Variants in CNTNAP2 observed in about 807,000 individuals in gnomAD.
CNTNAP2 encodes the protein contactin associated protein 2, also known as contactin-associated protein-like 2.
In CNTNAP2, 98 loss-of-function variants were observed where a neutral mutation model predicts 155.2. The ratio of observed to expected loss-of-function variants is 0.63; its 90% confidence interval spans 0.54 to 0.75. The LOEUF (loss-of-function observed/expected upper bound fraction) is 0.75. Ranked by LOEUF, CNTNAP2 falls within the 30% of genes least tolerant of loss-of-function variation. CNTNAP2 has a pLI of 0.00. For synonymous variants in CNTNAP2, 651 were observed against 631.2 expected, an observed-to-expected ratio of 1.03 and a Z score of -0.47; for missense variants, 1,727 against 1,688.1, an observed-to-expected ratio of 1.02 and a Z score of -0.40.
chr7:146,922,261 GGA>G (rs911031293), intron 3 of CNTNAP2, among the ~76,000 whole-genome samples: 5 of 14,406 alleles, frequency 3.5e-4, no homozygotes, highest in East Asian at 5.4e-3. Flanking sequence ...ACTTAATAAA[GGA>G]AAAAAAAAAA....
intron 13 of CNTNAP2, among the ~76,000 whole-genome samples, chr7:147,786,692 G>A (rs557979503): frequency 6.6e-6 from 1 of 152,260 alleles, no homozygotes; most frequent in Non-Finnish European, 1.5e-5. Context: ...TGGAGGCCTG[G>A]CACATTGGCA....
intron 1 of CNTNAP2, among the ~76,000 whole-genome samples, chr7:146,277,805 G>A (rs1234464785): frequency 6.6e-6 from 1 of 152,118 alleles, no homozygotes; most frequent in Non-Finnish European, 1.5e-5. Flanking sequence ...GGTCTGGCTA[G>A]AAATTTCATG....
chr7:146,542,578 TGA>T (rs1340155901), intron 1 of CNTNAP2, among the ~76,000 whole-genome samples: 1 of 151,566 alleles, frequency 6.6e-6, no homozygotes. Flanking sequence ...TATCCTTCCC[TGA>T]CTCTCTCCTT....
At chr7:148,144,383 G>A (rs1345122219) in intron 16 of CNTNAP2, among the ~76,000 whole-genome samples, 1 of 152,232 alleles carries the variant, frequency 6.6e-6, no homozygotes, top group Non-Finnish European at 1.5e-5. Flanking sequence ...CTTATTGCAT[G>A]TGCAGCATCC....
intron 3 of CNTNAP2, among the ~76,000 whole-genome samples, chr7:146,971,223 TACTA>T (rs1373977966): frequency 6.6e-6 from 1 of 151,776 alleles, no homozygotes; most frequent in Non-Finnish European, 1.5e-5. Context: ...AAAAAGTTAA[TACTA>T]AAGAAAGTCT....
intron 4 of CNTNAP2, among the ~76,000 whole-genome samples, chr7:147,064,185 T>C (rs1799736786): frequency 6.6e-6 from 1 of 151,042 alleles, no homozygotes; most frequent in African/African-American, 2.5e-5. Context: ...ATGTGTCATT[T>C]TAATTTTTAA....
intron 15 of CNTNAP2, among the ~76,000 whole-genome samples, chr7:148,012,000 G>A (rs560265801): frequency 3.3e-5 from 5 of 152,294 alleles, no homozygotes; most frequent in Admixed American, 6.5e-5. Context: ...CAATCCTCTC[G>A]CTTTCCAAGA....
intron 15 of CNTNAP2, among the ~76,000 whole-genome samples, chr7:147,992,035 T>TA (rs1281545233): frequency 1.4e-5 from 2 of 144,932 alleles, no homozygotes; most frequent in African/African-American, 5.1e-5. Context: ...ATCATCAGGA[T>TA]AAAAAAATTG....
chr7:146,831,669 CAAAAAAAAAAAAAAA>C (rs531970313), intron 2 of CNTNAP2, among the ~76,000 whole-genome samples: 2 of 16,820 alleles, frequency 1.2e-4, no homozygotes, highest in South Asian at 2.6e-3. Flanking sequence ...AGCAAGACGC[CAAAAAAAAAAAAAAA>C]AAAAAAAAAA....
intron 8 of CNTNAP2, among the ~76,000 whole-genome samples, chr7:147,293,821 T>C (rs1053984797): frequency 6.6e-6 from 1 of 152,212 alleles, no homozygotes; most frequent in Non-Finnish European, 1.5e-5. Flanking sequence ...TCATTAATAT[T>C]TTACATTTGC....
intron 13 of CNTNAP2, among the ~76,000 whole-genome samples, chr7:147,879,822 G>A (rs1799489255): frequency 6.6e-6 from 1 of 152,166 alleles, no homozygotes; most frequent in Non-Finnish European, 1.5e-5. Context: ...CCATGAAATA[G>A]GAGATGCCAA....
At chr7:146,863,788 A>C (rs1399986912) in intron 3 of CNTNAP2, among the ~76,000 whole-genome samples, 1 of 152,134 alleles carries the variant, frequency 6.6e-6, no homozygotes, top group Non-Finnish European at 1.5e-5. Context: ...ACTTGCTAGC[A>C]TGTCCTTGAA....
At chr7:146,950,270 C>T (rs1797281839) in intron 3 of CNTNAP2, among the ~76,000 whole-genome samples, 1 of 151,936 alleles carries the variant, frequency 6.6e-6, no homozygotes, top group Non-Finnish European at 1.5e-5. Context: ...CTTGGGAATC[C>T]TAATTTTGCC....
intron 1 of CNTNAP2, among the ~76,000 whole-genome samples, chr7:146,172,679 G>T (rs1798412340): frequency 6.6e-6 from 1 of 152,022 alleles, no homozygotes; most frequent in African/African-American, 2.4e-5. Context: ...TTTCTGTGTG[G>T]ATAACTGGAG....
chr7:147,762,515 A>G (rs936845885), intron 13 of CNTNAP2, among the ~76,000 whole-genome samples: 2 of 151,886 alleles, frequency 1.3e-5, no homozygotes, highest in African/African-American at 4.8e-5. Flanking sequence ...AGTCCTAACT[A>G]GAGATGAAGG....
chr7:148,307,688 C>T (rs941902580), intron 21 of CNTNAP2, among the ~76,000 whole-genome samples: 9 of 152,128 alleles, frequency 5.9e-5, no homozygotes, highest in Non-Finnish European at 1.2e-4. Context: ...TACATAGAGA[C>T]TGGGCATGGT....
At chr7:147,602,522 G>A (rs1348232283) in intron 12 of CNTNAP2, among the ~76,000 whole-genome samples, 5 of 149,626 alleles carry the variant, frequency 3.3e-5, no homozygotes, top group Non-Finnish European at 7.4e-5. Context: ...AAGTTTTAGG[G>A]TACATGTGCA....
intron 10 of CNTNAP2, among the ~76,000 whole-genome samples, chr7:147,396,673 T>G (rs1796822131): frequency 6.6e-6 from 1 of 152,052 alleles, no homozygotes; most frequent in Non-Finnish European, 1.5e-5. Flanking sequence ...GTCATTCCAC[T>G]ATGAACAAGT....
intron 21 of CNTNAP2, among the ~76,000 whole-genome samples, chr7:148,348,603 G>T (rs1283073461): frequency 6.6e-6 from 1 of 152,184 alleles, no homozygotes; most frequent in Non-Finnish European, 1.5e-5. Flanking sequence ...TATCATAGGT[G>T]ATGAATGCTC....
Sources: allele counts gnomAD v4.1 joint callset (sites outside exome capture counted in the v4.1 genomes callset), GRCh38; gene constraint gnomAD v4.1.1; transcripts MANE v1.5; gene names NCBI Gene and HGNC (gene_info 2026-07-23, HGNC 2026-07-21).